CCBE1: variants seen among roughly 807,000 people sequenced by gnomAD.
The protein encoded by CCBE1 is collagen and calcium-binding EGF domain-containing protein 1.
A neutral mutation model predicts 50.0 loss-of-function variants in CCBE1; 37 were observed. The ratio of observed to expected loss-of-function variants is 0.74; its 90% CI spans 0.57 to 0.97. The LOEUF is 0.97. CCBE1 is among the 50% of genes least tolerant of loss of function. CCBE1 has a pLI of 0.00. For synonymous variants in CCBE1, 234 were observed against 203.7 expected (o/e 1.15, Z -1.27); for missense variants, 538 against 523.8 (o/e 1.03, Z -0.26).
At chr18:59,535,485 A>G (rs1394551722) in intron 2 of CCBE1, among the ~76,000 whole-genome samples, 1 of 152,188 alleles carries the variant, frequency 6.6e-6, no homozygotes, top group Admixed American at 6.5e-5. Context: ...GAAAAGTAAC[A>G]TGCAATGCAT....
chr18:59,645,018 G>A (rs1225455750), intron 2 of CCBE1, among the ~76,000 whole-genome samples: 1 of 152,206 alleles, frequency 6.6e-6, no homozygotes, highest in Non-Finnish European at 1.5e-5. Context: ...CACTTTGGGA[G>A]GCCGAGGTGG....
intron 2 of CCBE1, among the ~76,000 whole-genome samples, chr18:59,585,437 A>G (rs1044189476): frequency 6.6e-6 from 1 of 152,102 alleles, no homozygotes; most frequent in African/African-American, 2.4e-5. Context: ...CTGTTGGGCT[A>G]TCACTGAATT....
intron 2 of CCBE1, among the ~76,000 whole-genome samples, chr18:59,515,740 A>T (rs1014056168): frequency 2.0e-5 from 3 of 152,202 alleles, no homozygotes; most frequent in Admixed American, 2.0e-4. Flanking sequence ...CAGAGGAGAC[A>T]GGCTGAGGTG....
chr18:59,447,211 GTA>G (rs1224984696), intron 7 of CCBE1, among the ~76,000 whole-genome samples: 1 of 151,982 alleles, frequency 6.6e-6, no homozygotes, highest in Admixed American at 6.6e-5. Flanking sequence ...ACACACATAC[GTA>G]TATATGTGTG....
At chr18:59,474,299 G>A (rs1025546576) in intron 3 of CCBE1, among the ~76,000 whole-genome samples, 1 of 152,210 alleles carries the variant, frequency 6.6e-6, no homozygotes, top group East Asian at 1.9e-4. Context: ...ATGATCCTGA[G>A]ACGGCTGCTC....
At chr18:59,612,693 C>T (rs926235986) in intron 2 of CCBE1, among the ~76,000 whole-genome samples, 2 of 152,160 alleles carry the variant, frequency 1.3e-5, no homozygotes, top group African/African-American at 4.8e-5. Flanking sequence ...ACCAAGGTAT[C>T]TGCAGCCTAA....
intron 9 of CCBE1, among the ~76,000 whole-genome samples, chr18:59,438,511 G>C (rs1330190284): frequency 4.6e-5 from 7 of 152,216 alleles, no homozygotes; most frequent in Admixed American, 4.6e-4. Flanking sequence ...CTTGCAAAAA[G>C]AATGGAGCAT....
intron 2 of CCBE1, among the ~76,000 whole-genome samples, chr18:59,490,387 C>CCT (rs371004472): frequency 7.8e-5 from 11 of 141,794 alleles, no homozygotes; most frequent in African/African-American, 2.6e-4. Flanking sequence ...GATATTCCCC[C>CCT]TTTTTTTTTT....
chr18:59,612,693 C>G (rs926235986), intron 2 of CCBE1, among the ~76,000 whole-genome samples: 1 of 152,160 alleles, frequency 6.6e-6, no homozygotes, highest in Admixed American at 6.6e-5. Context: ...ACCAAGGTAT[C>G]TGCAGCCTAA....
Position 59,542,056 on chromosome 18 carries a change from C to T in CCBE1, c.213-61818G>A, listed in dbSNP as rs141293868. Among the ~76,000 whole-genome samples the T allele has an allele frequency of 1.6e-3, 239 of 151,952 alleles. 1 individual carries two copies. Among genetic ancestry groups the T allele is most frequent in the African/African-American group, 5.5e-3 (227 of 41,442 alleles). ...CCGGGTATGGTAGCACGTCTGTAGTCCCAGCTACACCGGAGGCTGAGGTGG... is the reference window on the plus strand; with the variant it reads ...CCGGGTATGGTAGCACGTCTGTAGTTCCAGCTACACCGGAGGCTGAGGTGG... On this transcript the variant is annotated intron_variant, in intron 2 of 10. Transcript: ENST00000439986.
chr18:59,469,757 G>A (rs989821487), intron 3 of CCBE1, 150 bp from the exon 4 acceptor site: 7 of 1,012,810 alleles, frequency 6.9e-6, no homozygotes, highest in Non-Finnish European at 1.1e-5. Context: ...AACTCTTTAG[G>A]GCTGTGGGTC....
chr18:59,668,868 AGGCT>A (rs1366947470), intron 2 of CCBE1, among the ~76,000 whole-genome samples: 7 of 126,232 alleles, frequency 5.5e-5, no homozygotes, highest in African/African-American at 2.3e-4. Flanking sequence ...TCTGTCACCC[AGGCT>A]GGAGTGCAGT....
intron 2 of CCBE1, among the ~76,000 whole-genome samples, chr18:59,668,064 C>T (rs570143635): frequency 5.3e-5 from 8 of 152,136 alleles, no homozygotes; most frequent in East Asian, 1.9e-4. Flanking sequence ...CACCATGACA[C>T]GTGTATACCT....
chr18:59,676,226 C>T (rs2054500151), intron 2 of CCBE1, among the ~76,000 whole-genome samples: 1 of 152,164 alleles, frequency 6.6e-6, no homozygotes, highest in African/African-American at 2.4e-5. Flanking sequence ...TGCAGGAATG[C>T]TTGGAAAAAG....
At chr18:59,623,188 TA>T (rs36034428) in intron 2 of CCBE1, among the ~76,000 whole-genome samples, 7 of 152,192 alleles carry the variant, frequency 4.6e-5, no homozygotes, top group Non-Finnish European at 7.4e-5. Flanking sequence ...AAAACTGCTC[TA>T]AAAAAAATCC....
chr18:59,682,032 C>A (rs1308347284), intron 2 of CCBE1, among the ~76,000 whole-genome samples: 1 of 152,186 alleles, frequency 6.6e-6, no homozygotes, highest in Non-Finnish European at 1.5e-5. Flanking sequence ...CTGGAGGACC[C>A]TGCAGTGGAA....
intron 7 of CCBE1, among the ~76,000 whole-genome samples, chr18:59,442,496 G>T (rs1450889119): frequency 6.6e-6 from 1 of 152,160 alleles, no homozygotes; most frequent in East Asian, 1.9e-4. Flanking sequence ...GAGAGGCTGA[G>T]GTGGGCAGAT....
chr18:59,596,821 C>T (rs962274615), intron 2 of CCBE1, among the ~76,000 whole-genome samples: 1 of 152,176 alleles, frequency 6.6e-6, no homozygotes, highest in East Asian at 1.9e-4. Flanking sequence ...AGCATCACGT[C>T]GTCAAAACTT....
At chr18:59,644,327 G>C (rs1055085669) in intron 2 of CCBE1, among the ~76,000 whole-genome samples, 2 of 152,086 alleles carry the variant, frequency 1.3e-5, no homozygotes, top group African/African-American at 4.8e-5. Context: ...CAGGAGTTGG[G>C]GACCCCTGGT....
Sources: allele counts gnomAD v4.1 joint callset (sites outside exome capture counted in the v4.1 genomes callset), GRCh38; gene constraint gnomAD v4.1.1; transcripts MANE v1.5; gene names NCBI Gene and HGNC (gene_info 2026-07-23, HGNC 2026-07-21).